Variants in FYB2 observed in about 807,000 individuals in gnomAD.
The protein encoded by FYB2 is FYN-binding protein 2.
In FYB2, 103 loss-of-function variants were observed where a neutral mutation model predicts 94.1. The observed-to-expected ratio is 1.09, with a 90% confidence interval of 0.93 to 1.29. FYB2 has a LOEUF of 1.29. Among genes scored for constraint, FYB2 ranks in the 50% most tolerant of loss-of-function variants. The pLI is 0.00. For synonymous variants in FYB2, 293 were observed against 287.9 expected (o/e 1.02, Z -0.18); for missense variants, 896 against 841.5 (o/e 1.06, Z -0.80).
At chr1:56,752,937 T>C (rs551555330) in intron 8 of FYB2, among the ~76,000 whole-genome samples, 1 of 152,102 alleles carries the variant, frequency 6.6e-6, no homozygotes, top group Non-Finnish European at 1.5e-5. Flanking sequence ...TGGCTTGGCT[T>C]TCACACCCAG....
At chr1:56,766,154 G>A (rs911399645) in intron 5 of FYB2, among the ~76,000 whole-genome samples, 2 of 152,208 alleles carry the variant, frequency 1.3e-5, no homozygotes, top group African/African-American at 4.8e-5. Context: ...TGTTAGAAAT[G>A]CACAATCTCA....
At chr1:56,800,428 A>G (rs1262623156) in intron 1 of FYB2, among the ~76,000 whole-genome samples, 3 of 152,190 alleles carry the variant, frequency 2.0e-5, no homozygotes, top group South Asian at 4.1e-4. Flanking sequence ...AGTTAAGGTT[A>G]AAGCTTAAGG....
chr1:56,729,882 T>G (rs35390700), intron 15 of FYB2, among the ~76,000 whole-genome samples: 7,159 of 152,058 alleles, frequency 0.047, 264 homozygotes, highest in East Asian at 0.11. Flanking sequence ...AAGAGGAACA[T>G]TTGAAACTAA....
intron 8 of FYB2, among the ~76,000 whole-genome samples, chr1:56,752,218 T>C (rs530751235): frequency 1.1e-4 from 17 of 151,798 alleles, no homozygotes; most frequent in African/African-American, 4.1e-4. Context: ...AAGCAAAGAG[T>C]TTGGGCTTTA....
At position 56,751,029 on chromosome 1, in the gene FYB2, AG is replaced by A; in HGVS notation, c.1387+14del. ...ATTGTAATGATGAAGAAGATCAGAA[AG>A]AAATGCAACTTACAGTGGCCTTGGG... is the stretch of plus-strand genomic sequence containing the variant. On this transcript the variant is annotated intron_variant, in intron 9 of 19. Transcript: ENST00000343433. 6.2e-7 allele frequency: 1 copy of A among 1,604,906 alleles called. No individual in the cohort carries two copies.
intron 15 of FYB2, among the ~76,000 whole-genome samples, chr1:56,727,721 G>A (rs968243817): frequency 4.6e-5 from 7 of 152,106 alleles, no homozygotes; most frequent in African/African-American, 1.4e-4. Flanking sequence ...AGTATACAAG[G>A]GAAAGAGGCC....
intron 4 of FYB2, 37 bp from the exon 5 acceptor site, chr1:56,767,975 TA>T: frequency 1.4e-6 from 2 of 1,436,980 alleles, no homozygotes; most frequent in Non-Finnish European, 1.9e-6. Flanking sequence ...GTAACATTTT[TA>T]AAAACATATT....
intron 1 of FYB2, among the ~76,000 whole-genome samples, chr1:56,800,597 G>T (rs531328420): frequency 1.3e-5 from 2 of 152,252 alleles, no homozygotes; most frequent in African/African-American, 2.4e-5. Flanking sequence ...CATTAAATGT[G>T]TGACCTTGAA....
At chr1:56,811,720 A>G (rs1186057595) in intron 1 of FYB2, among the ~76,000 whole-genome samples, 1 of 152,158 alleles carries the variant, frequency 6.6e-6, no homozygotes, top group Non-Finnish European at 1.5e-5. Context: ...TATTTCGTCC[A>G]AACCACAACT....
intron 2 of FYB2, 23 bp from the exon 3 acceptor site, chr1:56,789,157 T>G: frequency 6.5e-7 from 1 of 1,534,810 alleles, no homozygotes; most frequent in Non-Finnish European, 8.7e-7. Flanking sequence ...CAGTAAAAAA[T>G]GTAAGTTATG....
chr1:56,753,120 T>C (rs988278038), intron 8 of FYB2, among the ~76,000 whole-genome samples: 1 of 152,030 alleles, frequency 6.6e-6, no homozygotes, highest in Non-Finnish European at 1.5e-5. Flanking sequence ...TTACCCTACT[T>C]CTGCAGATGG....
In FYB2 at chr1:56,771,577, C is replaced by T. The variant is rs762666795; in HGVS notation, c.954-3639G>A. 2.0e-5 allele frequency among the ~76,000 whole-genome samples: 3 copies of T among 152,040 alleles called. No individual in the cohort carries two copies. The South Asian group carries it at 6.2e-4, about 32-fold the overall frequency. ...TGTCCGCATTTGGTATGAGGTAGTT[C>T]CATTTGCTATAGATGCAGTTGAAGG... is the stretch of plus-strand genomic sequence containing the variant. On this transcript the variant is annotated intron_variant, in intron 4 of 19. Coordinates refer to ENST00000343433, the MANE Select transcript of FYB2 (RefSeq NM_001004303.5).
chr1:56,737,141 T>C lies in FYB2; in HGVS notation c.1739A>G (p.Lys580Arg). Residue 580 changes from lysine to arginine, a missense_variant, in exon 15 of 20, where the codon AAG becomes AGG. Physicochemically the swap from Lys to Arg is conservative, Grantham distance 26 (BLOSUM62 2). Coordinates refer to ENST00000343433, the MANE Select transcript of FYB2 (RefSeq NM_001004303.5). ...ATCATAAATAATAACTTCCTGAGAC[T>C]TAAGTTCTAGGGTCAAGACAGAATC... is the stretch of plus-strand genomic sequence containing the variant. Reference protein sequence around the residue: ...FSILLPDLELKSQEVIIYDDV... With the variant: ...FSILLPDLELRSQEVIIYDDV... The C allele has an allele frequency of 6.2e-7, 1 of 1,605,384 alleles. No homozygotes were observed. The highest frequency in any genetic ancestry group is 8.5e-7 in the Non-Finnish European group (1 of 1,174,364).
At position 56,755,820 on chromosome 1, in the gene FYB2, C is replaced by A. The variant is rs1420410017; in HGVS notation, c.1130+76G>T. On this transcript the variant is annotated intron_variant, in intron 7 of 19. Transcript: ENST00000343433. ...GCTCAGTTTGGAAACATAGCTGGCC[C>A]ATAGAGGAAAACTAGTTCAGTCATC... The A allele has an allele frequency of 7.2e-6, 10 of 1,396,920 alleles. No homozygotes were observed. The East Asian group carries it at 1.8e-4, about 26-fold the overall frequency. The allele number at this position is 1,396,920 out of a possible 1,614,324, so 86.5% of individuals were successfully genotyped here.
chr1:56,794,008 G>A (rs1464114923), intron 1 of FYB2, among the ~76,000 whole-genome samples: 1 of 152,160 alleles, frequency 6.6e-6, no homozygotes, highest in East Asian at 1.9e-4. Flanking sequence ...CAGTATTAGG[G>A]CCATTATAAG....
At chr1:56,771,003 G>C (rs956269128) in intron 4 of FYB2, among the ~76,000 whole-genome samples, 1 of 152,072 alleles carries the variant, frequency 6.6e-6, no homozygotes, top group South Asian at 2.1e-4. Context: ...GGAGAAATAG[G>C]AAATCTTTAC....
chr1:56,811,362 T>G (rs1335982369), intron 1 of FYB2, among the ~76,000 whole-genome samples: 1 of 152,190 alleles, frequency 6.6e-6, no homozygotes. Context: ...AAACTTTCTT[T>G]CCCTCCCTTC....
At chr1:56,820,565 C>A (rs1462038570), upstream of FYB2, among the ~76,000 whole-genome samples, 1 of 152,150 alleles carries the variant, frequency 6.6e-6, no homozygotes, top group Non-Finnish European at 1.5e-5. Context: ...CAGGGAGAGG[C>A]GGGGTGGAGC....
At chr1:56,757,512 T>A (rs1385286297) in intron 6 of FYB2, among the ~76,000 whole-genome samples, 2 of 152,066 alleles carry the variant, frequency 1.3e-5, no homozygotes, top group African/African-American at 4.8e-5. Context: ...AGATATTCAG[T>A]GAAACAAGTA....
Sources: allele counts gnomAD v4.1 joint callset (sites outside exome capture counted in the v4.1 genomes callset), GRCh38; gene constraint gnomAD v4.1.1; transcripts MANE v1.5; gene names NCBI Gene and HGNC (gene_info 2026-07-23, HGNC 2026-07-21).